Variants in LMAN1 observed in about 807,000 individuals in gnomAD.
The protein encoded by LMAN1 is protein ERGIC-53.
Under a neutral mutation model 67.8 loss-of-function variants are expected in LMAN1, and 32 were observed. That is an observed-to-expected ratio of 0.47 (90% CI 0.36 to 0.63). LMAN1 has a LOEUF of 0.63. LMAN1 is among the 30% of genes least tolerant of loss of function. LMAN1 has a pLI of 0.00. For synonymous variants in LMAN1, 235 were observed against 219.3 expected, an observed-to-expected ratio of 1.07 and a Z score of -0.63; for missense variants, 632 against 628.2, an observed-to-expected ratio of 1.01 and a Z score of -0.06.
chr18:59,353,312 A>G lies in LMAN1; in HGVS notation c.540-11T>C. 3 of 1,594,758 alleles carry G rather than the reference A, an allele frequency of 1.9e-6. No individual in the cohort carries two copies. Among genetic ancestry groups the G allele is most frequent in the Middle Eastern group, 1.7e-4 (1 of 6,016 alleles). On this transcript the variant is annotated splice_polypyrimidine_tract_variant and intron_variant, in intron 4 of 12. Coordinates refer to ENST00000251047, the MANE Select transcript of LMAN1 (RefSeq NM_005570.4). ...TGACTAGCCCCGTCACTATAGTGTA[A>G]GGGGGAGGAAAACAGACAAGACACT...
Position 59,343,289 on chromosome 18 carries a change from G to GA in LMAN1, c.955+2629dup, listed in dbSNP as rs202153929. Among the ~76,000 whole-genome samples the GA allele has an allele frequency of 4.5e-3, 661 of 146,512 alleles. 36 individuals carry two copies. In the East Asian group the frequency reaches 0.1, roughly 22 times the overall value. ...ACCAATGTCATTTTTCACAGAATTA[G>GA]AAAAAAAAAATCCTAAAACTCATAT... is the stretch of plus-strand genomic sequence containing the variant. On this transcript the variant is annotated intron_variant, in intron 8 of 12. Coordinates refer to ENST00000251047, the MANE Select transcript of LMAN1 (RefSeq NM_005570.4).
chr18:59,345,961 C>T lies in LMAN1; in HGVS notation c.913G>A (p.Glu305Lys), dbSNP rs770995415. 1.9e-6 allele frequency: 3 copies of T among 1,603,390 alleles called. No individual in the cohort carries two copies. The highest frequency in any genetic ancestry group is 1.1e-5 in the South Asian group (1 of 90,658). Residue 305 changes from glutamate (E) to lysine (K), a missense_variant, in exon 8 of 13, where the codon GAG (glutamate) becomes AAG (lysine). Glu to Lys is a moderately conservative substitution (Grantham distance 56). Transcript: ENST00000251047. Reference sequence around the variant, plus strand: ...TCGGGGTGGCCCTTCTGGAATTCCTCTTTTTTTTTATCCAATTCTTGTTGA... The same window carrying T: ...TCGGGGTGGCCCTTCTGGAATTCCTTTTTTTTTTTATCCAATTCTTGTTGA... ...HFQQELDKKKEEFQKGHPDLQ... is the reference protein window; with the variant it reads ...HFQQELDKKKKEFQKGHPDLQ...
At chr18:59,355,237 T>C in intron 3 of LMAN1, 76 bp downstream of exon 3, 2 of 1,078,668 alleles carry the variant, frequency 1.9e-6, no homozygotes, top group East Asian at 5.1e-5. Context: ...AAGCATTGAA[T>C]AAGCTATTAT....
chr18:59,329,508 T>G lies in LMAN1; in HGVS notation c.*1585A>C, dbSNP rs1032236752. On this transcript the variant is annotated 3_prime_UTR_variant, in exon 13 of 13. Coordinates refer to ENST00000251047, the MANE Select transcript of LMAN1 (RefSeq NM_005570.4). ...CTCTGAAACATGAATTTCAAAATGT[T>G]AACACTACAAAAGAAAAATGCTAGA... The G allele has an allele frequency of 6.6e-6, 1 of 152,152 alleles. No homozygotes were observed. The highest frequency in any genetic ancestry group is 2.1e-4 in the South Asian group (1 of 4,824). 9.4% of individuals were successfully genotyped at this position (152,152 alleles called of 1,614,324 possible).
intron 10 of LMAN1, among the ~76,000 whole-genome samples, chr18:59,336,160 C>T (rs922901685): frequency 1.4e-4 from 22 of 152,114 alleles, no homozygotes; most frequent in African/African-American, 5.1e-4. Flanking sequence ...TATGTATATT[C>T]CCTAGCTCTG....
At position 59,345,973 on chromosome 18, in the gene LMAN1, C is replaced by G. The variant is rs768248767; in HGVS notation, c.901G>C (p.Asp301His). 1.9e-6 allele frequency: 3 copies of G among 1,613,642 alleles called. No individual in the cohort carries two copies. The highest frequency in any genetic ancestry group is 2.5e-6 in the Non-Finnish European group (3 of 1,179,800). ...TTCTGGAATTCCTCTTTTTTTTTAT[C>G]CAATTCTTGTTGAAAGTGCTCAAAT... ...EEFEHFQQEL[D>H]KKKEEFQKGH... Residue 301 changes from aspartate to histidine, a missense_variant, in exon 8 of 13, where the codon GAT (aspartate) becomes CAT (histidine). By Grantham distance (81) the Asp-to-His change is moderately conservative. Transcript: ENST00000251047.
intron 8 of LMAN1, among the ~76,000 whole-genome samples, chr18:59,343,911 A>G (rs1908342734): frequency 6.6e-6 from 1 of 152,214 alleles, no homozygotes; most frequent in African/African-American, 2.4e-5. Context: ...AAGGGCTAAT[A>G]TCCAGAATCT....
chr18:59,339,881 C>T (rs1170747026), intron 8 of LMAN1, among the ~76,000 whole-genome samples: 1 of 152,136 alleles, frequency 6.6e-6, no homozygotes, highest in Non-Finnish European at 1.5e-5. Flanking sequence ...AGGTGAAACA[C>T]TGAGAGTTTA....
chr18:59,355,596 C>T lies in LMAN1; in HGVS notation c.277G>A (p.Val93Met), dbSNP rs776543023. Residue 93 changes from valine (V) to methionine (M), a missense_variant, in exon 2 of 13, where the codon GTG (valine) becomes ATG (methionine). Transcript: ENST00000251047. Reference protein sequence around the residue: ...APSLKSQRGSVWTKTKAAFEN... With the variant: ...APSLKSQRGSMWTKTKAAFEN... ...AAGGCCGCTTTTGTCTTTGTCCACACTGAGCCTCTTTGGCTTTTTAAAGAT... is the reference window on the plus strand; with the variant it reads ...AAGGCCGCTTTTGTCTTTGTCCACATTGAGCCTCTTTGGCTTTTTAAAGAT... The T allele has an allele frequency of 6.2e-7, 1 of 1,614,170 alleles. No individual in the cohort carries two copies. Among genetic ancestry groups the T allele is most frequent in the Non-Finnish European group, 8.5e-7 (1 of 1,179,984 alleles).
chr18:59,333,755 G>C (rs1908081575), intron 10 of LMAN1: 1 of 151,756 alleles, frequency 6.6e-6, no homozygotes, highest in Admixed American at 6.6e-5. Flanking sequence ...TTTCCTACGA[G>C]TGCATTCAAC....
At chr18:59,350,877 T>G (rs576875084) in intron 5 of LMAN1, among the ~76,000 whole-genome samples, 113 of 152,334 alleles carry the variant, frequency 7.4e-4, no homozygotes, top group Middle Eastern at 6.8e-3. Flanking sequence ...ACTGAAAGCC[T>G]AGGTACAAAC....
At chr18:59,357,007 A>C (rs544218864) in intron 1 of LMAN1, among the ~76,000 whole-genome samples, 1 of 152,324 alleles carries the variant, frequency 6.6e-6, no homozygotes, top group East Asian at 1.9e-4. Context: ...GCTGTGTTTA[A>C]ACTAGATCTT....
intron 8 of LMAN1, among the ~76,000 whole-genome samples, chr18:59,342,306 C>G (rs1908306117): frequency 6.6e-6 from 1 of 152,062 alleles, no homozygotes; most frequent in South Asian, 2.1e-4. Context: ...AGAATTCCCC[C>G]TAACTCATCC....
At chr18:59,352,922 C>T (rs12964553) in intron 5 of LMAN1, 32 of 372,158 alleles carry the variant, frequency 8.6e-5, no homozygotes, top group South Asian at 5.8e-4. Context: ...TATCTATCTA[C>T]CTATCTATCT....
chr18:59,349,231 C>T lies in LMAN1; in HGVS notation c.645G>A (p.Met215Ile), dbSNP rs1568116851. The change falls in exon 6 of 13, where the codon ATG becomes ATA. Residue 215 changes from methionine to isoleucine, a missense_variant. Met to Ile is a conservative substitution (Grantham distance 10, BLOSUM62 1). Transcript: ENST00000251047. ...TATCTGGTGTAAAGCCATTATTGAT[C>T]ATTACCTAGAAAGACATATCATAGC... is the stretch of plus-strand genomic sequence containing the variant. ...ITYYQNTLTV[M>I]INNGFTPDKN... 2 of 1,612,398 alleles carry T rather than the reference C, an allele frequency of 1.2e-6. No individual in the cohort carries two copies. Among genetic ancestry groups the T allele is most frequent in the Non-Finnish European group, 1.7e-6 (2 of 1,178,590 alleles).
intron 1 of LMAN1, among the ~76,000 whole-genome samples, chr18:59,356,102 AATTCTCTT>A (rs1286398586): frequency 6.6e-6 from 1 of 152,196 alleles, no homozygotes; most frequent in Non-Finnish European, 1.5e-5. Flanking sequence ...TTGAGCAAAT[AATTCTCTT>A]ATTCTCTTGG....
Position 59,357,856 on chromosome 18 carries a change from T to G in LMAN1, c.214+1175A>C, listed in dbSNP as rs1343028652. 4.0e-5 allele frequency among the ~76,000 whole-genome samples: 6 copies of G among 150,026 alleles called. No individual in the cohort carries two copies. In the Admixed American group the frequency reaches 4.0e-4, roughly 10 times the overall value. ...AGGTGGGAGGGATAGCATTAGGAGA[T>G]ATACCTAATGTTAAATGACTAGTTA... On this transcript the variant is annotated intron_variant, in intron 1 of 12. Transcript: ENST00000251047.
intron 8 of LMAN1, 27 bp from the exon 9 acceptor site, chr18:59,338,980 C>T: frequency 6.3e-7 from 1 of 1,589,638 alleles, no homozygotes; most frequent in Non-Finnish European, 8.6e-7. Context: ...TAAAAATGAT[C>T]AGAGTCACCT....
intron 5 of LMAN1, among the ~76,000 whole-genome samples, chr18:59,350,736 C>T (rs898466024): frequency 3.3e-5 from 5 of 152,092 alleles, no homozygotes; most frequent in Non-Finnish European, 7.4e-5. Context: ...ACCTCGTGAT[C>T]CGCCCGCCTC....
Sources: allele counts gnomAD v4.1 joint callset (sites outside exome capture counted in the v4.1 genomes callset), GRCh38; gene constraint gnomAD v4.1.1; transcripts MANE v1.5; gene names NCBI Gene and HGNC (gene_info 2026-07-23, HGNC 2026-07-21).